OR4D9: variants seen among roughly 807,000 people sequenced by gnomAD.
OR4D9 encodes olfactory receptor family 4 subfamily D member 9.
A neutral mutation model predicts 0.8 loss-of-function variants in OR4D9; 2 were observed. The observed-to-expected ratio is 2.58, with a 90% CI of 1.06 to 8.13. The LOEUF (loss-of-function observed/expected upper bound fraction) is 8.13. OR4D9 is among the 30% of genes most tolerant of loss of function. The probability of loss-of-function intolerance (pLI) is 0.04; values close to 1 mark genes in which losing one functional copy is unlikely to be tolerated. For missense variants in OR4D9, 399 were observed against 384.7 expected, an observed-to-expected ratio of 1.04 and a Z score of -0.31; for synonymous variants, 146 against 151.2, an observed-to-expected ratio of 0.97 and a Z score of 0.25.
Position 59,515,985 on chromosome 11 carries a change from C to T in OR4D9, c.*128C>T, listed in dbSNP as rs1392155982. On this transcript the variant is annotated 3_prime_UTR_variant, in exon 3 of 3. Transcript: ENST00000641962. The stretch of plus-strand genomic sequence containing the variant: ...CCATCGAGTCCTAAAAGAAGTTATT[C>T]CATCATATATGTTGGGGACCACGTG... 20 of 695,234 alleles carry T rather than the reference C, an allele frequency of 2.9e-5. No individual in the cohort carries two copies. Among genetic ancestry groups the T allele is most frequent in the Non-Finnish European group, 4.2e-5 (18 of 425,508 alleles). The allele number at this position is 695,234 out of a possible 1,614,324, so 43.1% of individuals were successfully genotyped here. A position where few individuals can be genotyped will look rare whatever the true frequency, so the allele number is the denominator to read the frequency against.
chr11:59,513,979 T>G lies in OR4D9; in HGVS notation c.-124-694T>G, dbSNP rs187860259. Among the ~76,000 whole-genome samples, 365 of 151,932 alleles carry G rather than the reference T, an allele frequency of 2.4e-3. 1 individual carries two copies. Among genetic ancestry groups the G allele is most frequent in the African/African-American group, 8.4e-3 (348 of 41,464 alleles). Reference sequence around the variant, plus strand: ...GAGTGAGACCCTGTCTCAAAAAATATAAAAAATAACAGTGCTGCTATGAAT... The same window carrying G: ...GAGTGAGACCCTGTCTCAAAAAATAGAAAAAATAACAGTGCTGCTATGAAT... On this transcript the variant is annotated intron_variant, in intron 1 of 2. Coordinates refer to ENST00000641962, the MANE Select transcript of OR4D9 (RefSeq NM_001004711.2).
At chr11:59,512,635 G>A (rs111802329) in intron 1 of OR4D9, among the ~76,000 whole-genome samples, 49 of 148,930 alleles carry the variant, frequency 3.3e-4, no homozygotes, top group African/African-American at 9.9e-4. Flanking sequence ...ACCAGCCTGA[G>A]CAACATGGTG....
rs765231983 is a variant in OR4D9 at position 59,518,709 on chromosome 11, CACAGTCTCTAG to C, written c.*2854_*2864del. ...AACATGCTCATGCTGTCTTATGCTCCACAGTCTCTAGATCCTCATAATCCTGTTCATGCATC... is the reference window on the plus strand; with the variant it reads ...AACATGCTCATGCTGTCTTATGCTCCATCCTCATAATCCTGTTCATGCATC... On this transcript the variant is annotated 3_prime_UTR_variant, in exon 3 of 3. Transcript: ENST00000641962. 2.6e-5 allele frequency: 4 copies of C among 152,188 alleles called. No individual in the cohort carries two copies. The highest frequency in any genetic ancestry group is 5.9e-5 in the Non-Finnish European group (4 of 68,056). 9.4% of individuals were successfully genotyped at this position (152,188 alleles called of 1,614,324 possible).
At chr11:59,513,592 T>C (rs1469554507) in intron 1 of OR4D9, among the ~76,000 whole-genome samples, 1 of 152,170 alleles carries the variant, frequency 6.6e-6, no homozygotes, top group Non-Finnish European at 1.5e-5. Flanking sequence ...TTATTTATCT[T>C]TTCTACTGTT....
At chr11:59,514,177 T>C (rs766039428) in intron 1 of OR4D9, among the ~76,000 whole-genome samples, 2 of 152,220 alleles carry the variant, frequency 1.3e-5, no homozygotes, top group Admixed American at 1.3e-4. Context: ...TTATATACTG[T>C]CTTAGCAGAG....
At chr11:59,513,720 G>A (rs917103572) in intron 1 of OR4D9, among the ~76,000 whole-genome samples, 1 of 152,006 alleles carries the variant, frequency 6.6e-6, no homozygotes. Context: ...ATCACCCGAG[G>A]CCAGGAGTTT....
Position 59,515,726 on chromosome 11 carries a change from T to A in OR4D9, c.814T>A (p.Ser272Thr), listed in dbSNP as rs1275223730. 2 of 1,614,160 alleles carry A rather than the reference T, an allele frequency of 1.2e-6. No individual in the cohort carries two copies. Among genetic ancestry groups the A allele is most frequent in the Non-Finnish European group, 1.7e-6 (2 of 1,180,034 alleles). The part of the protein sequence containing the change: ...FTALPTDTAI[S>T]VTFTVISPLL... ...TGCCCTCCCCACAGACACTGCCATC[T>A]CTGTCACCTTCACTGTCATCTCCCC... The change falls in exon 3 of 3, where the codon TCT becomes ACT. Residue 272 changes from serine to threonine, a missense_variant. By Grantham distance (58) the Ser-to-Thr change is moderately conservative. Transcript: ENST00000641962.
In OR4D9 at chr11:59,515,400, T is replaced by G. The variant is rs753027928; in HGVS notation, c.488T>G (p.Leu163Trp). ...FVHSIAQISL[L>W]LPLPFCGPNV... Reference sequence around the variant, plus strand: ...CACTCCATAGCGCAGATTTCTCTATTGCTCCCACTCCCTTTCTGTGGACCC... The same window carrying G: ...CACTCCATAGCGCAGATTTCTCTATGGCTCCCACTCCCTTTCTGTGGACCC... The change falls in exon 3 of 3, where the codon TTG becomes TGG. Residue 163 changes from leucine (L) to tryptophan (W), a missense_variant. Physicochemically the swap from Leu to Trp is moderately conservative, Grantham distance 61. Coordinates refer to ENST00000641962, the MANE Select transcript of OR4D9 (RefSeq NM_001004711.2). The G allele has an allele frequency of 1.5e-5, 24 of 1,614,164 alleles. No homozygotes were observed. The highest frequency in any genetic ancestry group is 2.0e-5 in the Non-Finnish European group (24 of 1,180,038).
intron 1 of OR4D9, 115 bp downstream of exon 1, chr11:59,511,861 G>T (rs1039343272): frequency 6.6e-6 from 1 of 152,216 alleles, no homozygotes; most frequent in Non-Finnish European, 1.5e-5. Context: ...ATTTATTAAA[G>T]GTAGTTGAGA....
At position 59,515,206 on chromosome 11, in the gene OR4D9, C is replaced by T; in HGVS notation, c.294C>T (p.Val98=). The stretch of plus-strand genomic sequence containing the variant: ...AAACCATCTCCTTCAGTGGCTGTGT[C>T]ACTCAAATGTTCTTCTTCCACCTTC... ...ETKTISFSGC[V]TQMFFFHLLG... Residue 98 remains valine, a synonymous_variant, in exon 3 of 3, where the codon GTC becomes GTT. Coordinates refer to ENST00000641962, the MANE Select transcript of OR4D9 (RefSeq NM_001004711.2). 1 of 1,614,164 alleles carries T rather than the reference C, an allele frequency of 6.2e-7. No individual in the cohort carries two copies. Among genetic ancestry groups the T allele is most frequent in the Non-Finnish European group, 8.5e-7 (1 of 1,180,038 alleles).
intron 1 of OR4D9, among the ~76,000 whole-genome samples, 167 bp downstream of exon 1, chr11:59,511,913 G>A (rs927004808): frequency 6.6e-6 from 1 of 152,170 alleles, no homozygotes. Context: ...GACTGCCTTG[G>A]AAAAACAGCT....
chr11:59,514,183 C>A (rs1859369305), intron 1 of OR4D9, among the ~76,000 whole-genome samples: 1 of 152,140 alleles, frequency 6.6e-6, no homozygotes, highest in Non-Finnish European at 1.5e-5. Flanking sequence ...ACTGTCTTAG[C>A]AGAGATAATC....
intron 1 of OR4D9, among the ~76,000 whole-genome samples, chr11:59,513,107 G>A (rs758827826): frequency 1.3e-5 from 2 of 151,254 alleles, no homozygotes; most frequent in African/African-American, 4.9e-5. Context: ...ATGGAGTCTC[G>A]CTCTGTCACC....
Position 59,515,890 on chromosome 11 carries a change from A to G in OR4D9, c.*33A>G. 6.9e-7 allele frequency: 1 copy of G among 1,459,636 alleles called. No individual in the cohort carries two copies. Among genetic ancestry groups the G allele is most frequent in the Non-Finnish European group, 9.3e-7 (1 of 1,077,320 alleles). The allele number at this position is 1,459,636 out of a possible 1,614,324, so 90.4% of individuals were successfully genotyped here. On this transcript the variant is annotated 3_prime_UTR_variant, in exon 3 of 3. Coordinates refer to ENST00000641962, the MANE Select transcript of OR4D9 (RefSeq NM_001004711.2). ...ATAGTACCCATATTTAAAGATAGAC[A>G]TTAAATTTCACTTTCTCAAAATGGG...
intron 1 of OR4D9, among the ~76,000 whole-genome samples, chr11:59,514,181 A>G (rs11229983): frequency 0.24 from 36,945 of 152,116 alleles, 4,912 homozygotes; most frequent in South Asian, 0.39. Flanking sequence ...ATACTGTCTT[A>G]GCAGAGATAA....
rs1323902297 is a variant in OR4D9, at chr11:59,514,854, T to C, written c.-30-29T>C. 2.7e-6 allele frequency: 3 copies of C among 1,116,778 alleles called. No homozygotes were observed. The African/African-American group carries it at 4.7e-5, about 17-fold the overall frequency. The allele number at this position is 1,116,778 out of a possible 1,614,324, so 69.2% of individuals were successfully genotyped here. ...CACTAGATTTTAGGACCTATCAATA[T>C]TATTTAACTGCACTATTATTTCTTC... On this transcript the variant is annotated intron_variant, in intron 2 of 2. Transcript: ENST00000641962.
chr11:59,512,295 T>C (rs1395781258), intron 1 of OR4D9, among the ~76,000 whole-genome samples: 2 of 139,516 alleles, frequency 1.4e-5, no homozygotes, highest in African/African-American at 2.7e-5. Flanking sequence ...TTTTTTTTCT[T>C]TTTTCTTTTT....
rs1288569515 is a variant in OR4D9 at position 59,518,304 on chromosome 11, A to G, written c.*2447A>G. 1 of 152,250 alleles carries G rather than the reference A, an allele frequency of 6.6e-6. No individual in the cohort carries two copies. Among genetic ancestry groups the G allele is most frequent in the Non-Finnish European group, 1.5e-5 (1 of 68,092 alleles). The allele number at this position is 152,250 out of a possible 1,614,324, so 9.4% of individuals were successfully genotyped here. On this transcript the variant is annotated 3_prime_UTR_variant, in exon 3 of 3. Coordinates refer to ENST00000641962, the MANE Select transcript of OR4D9 (RefSeq NM_001004711.2). ...TCCACGGTCTAAGTAGTTAGCCACAACAAAAGTTTACTTCTTGCTCATGTC... is the reference window on the plus strand; with the variant it reads ...TCCACGGTCTAAGTAGTTAGCCACAGCAAAAGTTTACTTCTTGCTCATGTC...
chr11:59,511,903 G>T (rs1177841287), intron 1 of OR4D9, among the ~76,000 whole-genome samples, 157 bp downstream of exon 1: 3 of 152,156 alleles, frequency 2.0e-5, no homozygotes, highest in Non-Finnish European at 2.9e-5. Context: ...TCAGGAGGAT[G>T]ACTGCCTTGG....
Sources: gnomAD v4.1 joint callset for allele counts (sites outside exome capture counted in the v4.1 genomes callset) on GRCh38, gnomAD v4.1.1 for gene constraint, MANE v1.5 for transcripts, NCBI Gene and HGNC (gene_info 2026-07-23, HGNC 2026-07-21) for gene names.